Variants in TLR2 observed in about 807,000 individuals in gnomAD.
TLR2 encodes the protein toll like receptor 2.
TLR2 carries 7 observed loss-of-function variants against 9.1 expected under a neutral mutation model. The ratio of observed to expected loss-of-function variants is 0.77; its 90% CI spans 0.44 to 1.44. TLR2 has a LOEUF of 1.44. TLR2 is among the 40% of genes most tolerant of loss of function. The probability of loss-of-function intolerance (pLI) is 0.01; values close to 1 mark genes in which losing one functional copy is unlikely to be tolerated. For missense variants in TLR2, 812 were observed against 904.6 expected, an observed-to-expected ratio of 0.90 and a Z score of 1.31; for synonymous variants, 317 against 344.6, an observed-to-expected ratio of 0.92 and a Z score of 0.89.
chr4:153,694,224 A>G (rs2070652248), intron 2 of TLR2, among the ~76,000 whole-genome samples: 1 of 152,238 alleles, frequency 6.6e-6, no homozygotes, highest in South Asian at 2.1e-4. Context: ...CAGATCGCTC[A>G]TGCTATTGTT....
rs916627724 is a variant in TLR2 at position 153,703,731 on chromosome 4, A to C, written c.824A>C (p.Gln275Pro). The C allele has an allele frequency of 3.1e-6, 5 of 1,613,822 alleles. No individual in the cohort carries two copies. The African/African-American group carries it at 6.7e-5, about 22-fold the overall frequency. ...SLFQVMKLLN[Q>P]ISGLLELEFD... Reference sequence around the variant, plus strand: ...TTTCAGGTTATGAAACTTTTGAATCAGATTTCTGGATTGTTAGAATTAGAG... The same window carrying C: ...TTTCAGGTTATGAAACTTTTGAATCCGATTTCTGGATTGTTAGAATTAGAG... Residue 275 changes from glutamine (Q) to proline (P), a missense_variant, in exon 3 of 3, where the codon CAG becomes CCG. Transcript: ENST00000642700.
At chr4:153,694,622 TAAC>T (rs1578980640) in intron 2 of TLR2, among the ~76,000 whole-genome samples, 1 of 152,226 alleles carries the variant, frequency 6.6e-6, no homozygotes, top group Non-Finnish European at 1.5e-5. Context: ...TGGATAATAA[TAAC>T]ATCACGGTAA....
Position 153,705,686 on chromosome 4 carries a change from T to G in TLR2, c.*424T>G, listed in dbSNP as rs1737290610. On this transcript the variant is annotated 3_prime_UTR_variant, in exon 3 of 3. Coordinates refer to ENST00000642700, the MANE Select transcript of TLR2 (RefSeq NM_001318789.2). Reference sequence around the variant, plus strand: ...AGATTACTTATGATACCCAATACAATGTAAATACTATGTAAATAGTTGTAC... The same window carrying G: ...AGATTACTTATGATACCCAATACAAGGTAAATACTATGTAAATAGTTGTAC... 2 of 166,904 alleles carry G rather than the reference T, an allele frequency of 1.2e-5. No homozygotes were observed. Among genetic ancestry groups the G allele is most frequent in the South Asian group, 4.1e-4 (2 of 4,836 alleles). The allele number at this position is 166,904 out of a possible 1,614,324, so 10.3% of individuals were successfully genotyped here.
downstream of TLR2, among the ~76,000 whole-genome samples, chr4:153,708,653 G>A (rs368270983): frequency 1.2e-4 from 19 of 152,302 alleles, no homozygotes; most frequent in African/African-American, 4.6e-4. Context: ...AACTCAGACT[G>A]TACCTGCACA....
rs1373531608 is a variant in TLR2 at position 153,705,496 on chromosome 4, T to C, written c.*234T>C. On this transcript the variant is annotated 3_prime_UTR_variant, in exon 3 of 3. Coordinates refer to ENST00000642700, the MANE Select transcript of TLR2 (RefSeq NM_001318789.2). ...TTTTTCTATGAGATAACCATGATCA[T>C]AAGTCTATTACTGATATCTGAATAT... The C allele has an allele frequency of 2.4e-6, 1 of 421,904 alleles. No homozygotes were observed. The highest frequency in any genetic ancestry group is 4.4e-6 in the Non-Finnish European group (1 of 228,908). The allele number at this position is 421,904 out of a possible 1,614,324, so 26.1% of individuals were successfully genotyped here.
At chr4:153,709,556 C>T (rs1390908454), downstream of TLR2, among the ~76,000 whole-genome samples, 2 of 152,130 alleles carry the variant, frequency 1.3e-5, no homozygotes. Flanking sequence ...AGGCAGTGCT[C>T]AAAGTGCAGG....
downstream of TLR2, chr4:153,710,414 C>G: frequency 6.3e-7 from 1 of 1,578,338 alleles, no homozygotes; most frequent in South Asian, 1.2e-5. Context: ...CTATTCCTAT[C>G]ACCACAGGTT....
chr4:153,700,657 G>A lies in TLR2; in HGVS notation c.-16-2235G>A, dbSNP rs374340029. ...AAGAAGAACAAGGAGGAAGAAGAAC[G>A]TATTTGAAGAAGAATAAGGAACTCT... is the stretch of plus-strand genomic sequence containing the variant. On this transcript the variant is annotated intron_variant, in intron 2 of 2. Coordinates refer to ENST00000642700, the MANE Select transcript of TLR2 (RefSeq NM_001318789.2). Among the ~76,000 whole-genome samples the A allele has an allele frequency of 1.2e-4, 19 of 152,264 alleles. No individual in the cohort carries two copies. In the South Asian group the frequency reaches 1.9e-3, roughly 15 times the overall value.
chr4:153,690,177 T>C (rs1269905047), intron 2 of TLR2, among the ~76,000 whole-genome samples: 1 of 152,274 alleles, frequency 6.6e-6, no homozygotes, highest in Non-Finnish European at 1.5e-5. Flanking sequence ...CTGGTTTCTG[T>C]AGATGCTCTT....
At chr4:153,707,152 A>G (rs965167663), downstream of TLR2, among the ~76,000 whole-genome samples, 1 of 152,222 alleles carries the variant, frequency 6.6e-6, no homozygotes, top group African/African-American at 2.4e-5. Context: ...AAAATACCAC[A>G]AAGAAATATA....
At chr4:153,698,909 G>A (rs2127048326) in intron 2 of TLR2, among the ~76,000 whole-genome samples, 1 of 152,240 alleles carries the variant, frequency 6.6e-6, no homozygotes, top group East Asian at 1.9e-4. Context: ...TTTCTATAGG[G>A]TTAGGCTTTT....
downstream of TLR2, among the ~76,000 whole-genome samples, chr4:153,709,156 C>A (rs560530979): frequency 3.1e-4 from 47 of 152,132 alleles, no homozygotes; most frequent in Non-Finnish European, 5.7e-4. Flanking sequence ...TGACCTATTT[C>A]AATAATACTG....
chr4:153,703,687 A>G lies in TLR2; in HGVS notation c.780A>G (p.Lys260=). 2 of 1,612,956 alleles carry G rather than the reference A, an allele frequency of 1.2e-6. No individual in the cohort carries two copies. Among genetic ancestry groups the G allele is most frequent in the Non-Finnish European group, 1.7e-6 (2 of 1,179,740 alleles). The change falls in exon 3 of 3, where the codon AAA becomes AAG. Residue 260 remains lysine (K), a synonymous_variant. Coordinates refer to ENST00000642700, the MANE Select transcript of TLR2 (RefSeq NM_001318789.2). ...AAAAGTTTACATTTAGAAATGTGAA[A>G]ATCACCGATGAAAGTTTGTTTCAGG... is the stretch of plus-strand genomic sequence containing the variant. ...LIKKFTFRNV[K]ITDESLFQVM...
At chr4:153,694,273 G>A (rs1578979827) in intron 2 of TLR2, among the ~76,000 whole-genome samples, 1 of 152,184 alleles carries the variant, frequency 6.6e-6, no homozygotes, top group African/African-American at 2.4e-5. Flanking sequence ...TCCATCTTGG[G>A]TGGACCAGGT....
intron 2 of TLR2, among the ~76,000 whole-genome samples, chr4:153,693,521 G>A (rs370764604): frequency 7.9e-5 from 12 of 152,248 alleles, no homozygotes; most frequent in East Asian, 7.7e-4. Flanking sequence ...TCACTGGGGC[G>A]ACTACTTTTT....
At chr4:153,691,266 A>T (rs760640175) in intron 2 of TLR2, among the ~76,000 whole-genome samples, 3 of 152,252 alleles carry the variant, frequency 2.0e-5, no homozygotes, top group East Asian at 1.9e-4. Context: ...GAAAATGATT[A>T]TCAAGAATAC....
At chr4:153,710,324 C>G (rs1737476639), downstream of TLR2, 2 of 1,446,874 alleles carry the variant, frequency 1.4e-6, no homozygotes, top group Admixed American at 2.5e-5. Context: ...AATGTTGGAC[C>G]AAGGATTTCA....
chr4:153,702,673 CTGTGTT>C, intron 2 of TLR2: 1 of 511,080 alleles, frequency 2.0e-6, no homozygotes, highest in Non-Finnish European at 3.5e-6. Context: ...GGTTGTATGT[CTGTGTT>C]AGCATTGCTG....
chr4:153,698,573 A>G (rs1044966617), intron 2 of TLR2, among the ~76,000 whole-genome samples: 3 of 152,320 alleles, frequency 2.0e-5, no homozygotes, highest in Admixed American at 6.5e-5. Flanking sequence ...AGATAACGTG[A>G]AATTATGAAA....
Sources: gnomAD v4.1 joint callset for allele counts (sites outside exome capture counted in the v4.1 genomes callset) on GRCh38, gnomAD v4.1.1 for gene constraint, MANE v1.5 for transcripts, NCBI Gene and HGNC (gene_info 2026-07-23, HGNC 2026-07-21) for gene names.